Variants in TMEM263 observed in about 807,000 individuals in gnomAD.
The protein encoded by TMEM263 is UPF0444 transmembrane protein C12orf23.
In TMEM263, 5 loss-of-function variants were observed where a neutral mutation model predicts 8.6. The ratio of observed to expected loss-of-function variants is 0.58; its 90% CI spans 0.31 to 1.23. The LOEUF is 1.23. Among genes scored for constraint, TMEM263 ranks in the 50% most tolerant of loss-of-function variants. TMEM263 has a pLI of 0.07. For synonymous variants in TMEM263, 50 were observed against 47.9 expected (o/e 1.04, Z -0.18); for missense variants, 104 against 138.8 (o/e 0.75, Z 1.26).
intron 2 of TMEM263, among the ~76,000 whole-genome samples, chr12:106,961,997 A>G (rs917491534): frequency 2.0e-5 from 3 of 152,238 alleles, no homozygotes; most frequent in African/African-American, 7.2e-5. Flanking sequence ...ATTTATGAAT[A>G]TTACTGATTT....
At chr12:106,971,061 T>C (rs1301109433) in intron 3 of TMEM263, 44 bp from the exon 4 acceptor site, 1 of 1,597,034 alleles carries the variant, frequency 6.3e-7, no homozygotes, top group Non-Finnish European at 8.5e-7. Flanking sequence ...TTTTAAAGAC[T>C]TGTGACTTAT....
intron 2 of TMEM263, among the ~76,000 whole-genome samples, chr12:106,962,565 A>T (rs1224904353): frequency 1.3e-5 from 2 of 152,092 alleles, no homozygotes; most frequent in African/African-American, 4.8e-5. Flanking sequence ...CTTTTCCTTG[A>T]TCATATCACC....
At chr12:106,958,012 CTT>C (rs1951723728) in intron 2 of TMEM263, among the ~76,000 whole-genome samples, 1 of 152,128 alleles carries the variant, frequency 6.6e-6, no homozygotes, top group South Asian at 2.1e-4. Context: ...TTTTGAATCT[CTT>C]TGCAGTTATT....
At position 106,971,111 on chromosome 12, in the gene TMEM263, T is replaced by C. The variant is rs1042229831; in HGVS notation, c.71T>C (p.Met24Thr). ...TGATATTTTCTCTCATTAGGTTCAA[T>C]GAAAGATCACCCACAGCAGCAGCCA... is the stretch of plus-strand genomic sequence containing the variant. ...YLNDEPPEGS[M>T]KDHPQQQPGM... is the part of the protein sequence containing the mutation. Residue 24 changes from methionine (M) to threonine (T), a missense_variant, in exon 4 of 4, where the codon ATG becomes ACG. Coordinates refer to ENST00000280756, the MANE Select transcript of TMEM263 (RefSeq NM_152261.4). The C allele has an allele frequency of 6.2e-7, 1 of 1,614,034 alleles. No individual in the cohort carries two copies. Among genetic ancestry groups the C allele is most frequent in the Non-Finnish European group, 8.5e-7 (1 of 1,179,940 alleles).
At chr12:106,959,617 T>G (rs570374084) in intron 2 of TMEM263, among the ~76,000 whole-genome samples, 1 of 152,334 alleles carries the variant, frequency 6.6e-6, no homozygotes, top group South Asian at 2.1e-4. Flanking sequence ...AGTTTTAGAT[T>G]GGGGTCTATT....
In TMEM263 at chr12:106,957,000, T is replaced by A. The variant is rs1162331028; in HGVS notation, c.-74-82T>A. 5 of 872,022 alleles carry A rather than the reference T, an allele frequency of 5.7e-6. No homozygotes were observed. The African/African-American group carries it at 9.1e-5, about 16-fold the overall frequency. 54.0% of individuals were successfully genotyped at this position (872,022 alleles called of 1,614,324 possible). ...AAAAGGGAAGGGTTCTTAATTTGAT[T>A]TTTGCGTCCTTGTGAACACTGTGCT... On this transcript the variant is annotated intron_variant, in intron 1 of 3. Transcript: ENST00000280756.
At chr12:106,965,657 A>G (rs1413138398) in intron 2 of TMEM263, among the ~76,000 whole-genome samples, 2 of 151,362 alleles carry the variant, frequency 1.3e-5, no homozygotes, top group Non-Finnish European at 1.5e-5. Flanking sequence ...CCTCTCATCC[A>G]TCCCTTTTTC....
At position 106,971,542 on chromosome 12, in the gene TMEM263, A is replaced by G; in HGVS notation, c.*151A>G. On this transcript the variant is annotated 3_prime_UTR_variant, in exon 4 of 4. Transcript: ENST00000280756. ...TGATGACTGGCTTTCATCTAAAAAG[A>G]AGAGACCAATACGAGCACAGTATAT... 1.3e-6 allele frequency: 1 copy of G among 793,318 alleles called. No individual in the cohort carries two copies. The highest frequency in any genetic ancestry group is 1.9e-6 in the Non-Finnish European group (1 of 518,644). 49.1% of individuals were successfully genotyped at this position (793,318 alleles called of 1,614,324 possible).
chr12:106,969,792 G>C (rs922444752), intron 3 of TMEM263, among the ~76,000 whole-genome samples: 1 of 151,004 alleles, frequency 6.6e-6, no homozygotes, highest in Non-Finnish European at 1.5e-5. Context: ...TTCATTTTAA[G>C]CTAGTGCAAA....
intron 2 of TMEM263, among the ~76,000 whole-genome samples, chr12:106,958,142 A>T (rs2136755671): frequency 6.6e-6 from 1 of 152,284 alleles, no homozygotes; most frequent in East Asian, 1.9e-4. Flanking sequence ...GGAAATTGGC[A>T]CCTACTGTTG....
chr12:106,959,900 T>C (rs1566221287), intron 2 of TMEM263, among the ~76,000 whole-genome samples: 1 of 152,080 alleles, frequency 6.6e-6, no homozygotes, highest in Non-Finnish European at 1.5e-5. Context: ...GGAAAAAAAA[T>C]CTCAAATACT....
chr12:106,959,068 G>A (rs1389166937), intron 2 of TMEM263, among the ~76,000 whole-genome samples: 3 of 152,256 alleles, frequency 2.0e-5, no homozygotes, highest in Non-Finnish European at 4.4e-5. Flanking sequence ...GTTTAGAGTA[G>A]TGCCTGTGTG....
chr12:106,971,503 T>A lies in TMEM263; in HGVS notation c.*112T>A. The A allele has an allele frequency of 2.7e-6, 3 of 1,127,454 alleles. No individual in the cohort carries two copies. The highest frequency in any genetic ancestry group is 3.7e-6 in the Non-Finnish European group (3 of 808,492). The allele number at this position is 1,127,454 out of a possible 1,614,324, so 69.8% of individuals were successfully genotyped here. A position where few individuals can be genotyped will look rare whatever the true frequency, so the allele number is the denominator to read the frequency against. On this transcript the variant is annotated 3_prime_UTR_variant, in exon 4 of 4. Coordinates refer to ENST00000280756, the MANE Select transcript of TMEM263 (RefSeq NM_152261.4). ...TTTGGACGTTTATCTTCTAAACTGC[T>A]GTGTTGAAAGTATTGATGACTGGCT... is the stretch of plus-strand genomic sequence containing the variant.
Position 106,971,644 on chromosome 12 carries a change from G to T in TMEM263, c.*253G>T. 1 of 366,468 alleles carries T rather than the reference G, an allele frequency of 2.7e-6. No homozygotes were observed. Among genetic ancestry groups the T allele is most frequent in the Non-Finnish European group, 4.9e-6 (1 of 205,268 alleles). 22.7% of individuals were successfully genotyped at this position (366,468 alleles called of 1,614,324 possible). Reference sequence around the variant, plus strand: ...TTACTCGGTTGTAACTGAAGATATGGTATGTTTGAATATTTACTATAAGTC... The same window carrying T: ...TTACTCGGTTGTAACTGAAGATATGTTATGTTTGAATATTTACTATAAGTC... On this transcript the variant is annotated 3_prime_UTR_variant, in exon 4 of 4. Transcript: ENST00000280756.
chr12:106,967,160 T>G lies in TMEM263; in HGVS notation c.44T>G (p.Leu15Arg). 1 of 1,596,568 alleles carries G rather than the reference T, an allele frequency of 6.3e-7. No individual in the cohort carries two copies. The highest frequency in any genetic ancestry group is 1.1e-5 in the South Asian group (1 of 87,978). The stretch of plus-strand genomic sequence containing the variant: ...AATCAACAAGAAATCCCATCATACC[T>G]TAATGATGAACCACCAGAAGGTAAG... ...DKNQQEIPSY[L>R]NDEPPEGSMK... The change falls in exon 3 of 4, where the codon CTT (leucine) becomes CGT (arginine). Residue 15 changes from leucine (L) to arginine (R), a missense_variant. By Grantham distance (102) the Leu-to-Arg change is moderately radical. Coordinates refer to ENST00000280756, the MANE Select transcript of TMEM263 (RefSeq NM_152261.4).
chr12:106,972,150 C>T lies in TMEM263; in HGVS notation c.*759C>T, dbSNP rs1417230052. The T allele has an allele frequency of 6.6e-6, 1 of 152,452 alleles. No homozygotes were observed. Among genetic ancestry groups the T allele is most frequent in the Non-Finnish European group, 1.5e-5 (1 of 68,012 alleles). The allele number at this position is 152,452 out of a possible 1,614,324, so 9.4% of individuals were successfully genotyped here. On this transcript the variant is annotated 3_prime_UTR_variant, in exon 4 of 4. Coordinates refer to ENST00000280756, the MANE Select transcript of TMEM263 (RefSeq NM_152261.4). ...CCTGCTGTCAGTGGATAAGACAGAG[C>T]TTGTTAACTGTTTTGGCAGTAGTTA...
In TMEM263 at chr12:106,972,761, A is replaced by G. The variant is rs566896343; in HGVS notation, c.*1370A>G. 1 of 152,050 alleles carries G rather than the reference A, an allele frequency of 6.6e-6. No individual in the cohort carries two copies. The highest frequency in any genetic ancestry group is 2.1e-4 in the South Asian group (1 of 4,820). 9.4% of individuals were successfully genotyped at this position (152,050 alleles called of 1,614,324 possible). A position where few individuals can be genotyped will look rare whatever the true frequency, so the allele number is the denominator to read the frequency against. On this transcript the variant is annotated 3_prime_UTR_variant, in exon 4 of 4. Transcript: ENST00000280756. ...ATAAAACGTTTAACAATTGGCATAT[A>G]TACTTGGCATTCCTGTCCACCAAGG...
chr12:106,958,526 A>G (rs1951729887), intron 2 of TMEM263, among the ~76,000 whole-genome samples: 1 of 152,190 alleles, frequency 6.6e-6, no homozygotes, highest in South Asian at 2.1e-4. Flanking sequence ...ATTTCTCCCC[A>G]TCTCTACAAT....
chr12:106,968,493 A>G (rs1951875019), intron 3 of TMEM263, among the ~76,000 whole-genome samples: 1 of 152,162 alleles, frequency 6.6e-6, no homozygotes, highest in South Asian at 2.1e-4. Context: ...GGAACCATGG[A>G]GTTTTGAAAA....
Sources: allele counts gnomAD v4.1 joint callset (sites outside exome capture counted in the v4.1 genomes callset), GRCh38; gene constraint gnomAD v4.1.1; transcripts MANE v1.5; gene names NCBI Gene and HGNC (gene_info 2026-07-23, HGNC 2026-07-21).